Variants in PRDM15 observed in about 807,000 individuals in gnomAD.
PRDM15 encodes PR domain zinc finger protein 15.
Under a neutral mutation model 128.6 loss-of-function variants are expected in PRDM15, and 64 were observed. That is an observed-to-expected ratio of 0.50 (90% confidence interval 0.41 to 0.61). PRDM15 has a LOEUF of 0.61. Among genes scored for constraint, PRDM15 ranks in the 20% least tolerant of loss-of-function variants. The probability of loss-of-function intolerance (pLI) is 0.00; values close to 1 mark genes in which losing one functional copy is unlikely to be tolerated. For synonymous variants in PRDM15, 615 were observed against 621.8 expected, an observed-to-expected ratio of 0.99 and a Z score of 0.16; for missense variants, 1,242 against 1,569.1, an observed-to-expected ratio of 0.79 and a Z score of 3.52.
chr21:41,873,005 G>A (rs1162276614), intron 1 of PRDM15, among the ~76,000 whole-genome samples: 1 of 152,110 alleles, frequency 6.6e-6, no homozygotes, highest in Admixed American at 6.6e-5. Flanking sequence ...ATAACTTCCC[G>A]CACCCTGCGA....
intron 4 of PRDM15, among the ~76,000 whole-genome samples, chr21:41,855,092 C>T (rs777340442): frequency 1.8e-4 from 28 of 152,188 alleles, no homozygotes; most frequent in Non-Finnish European, 3.2e-4. Flanking sequence ...GTGTTACTCA[C>T]GGCCCAGGTG....
chr21:41,861,739 T>C, intron 1 of PRDM15: 1 of 1,614,012 alleles, frequency 6.2e-7, no homozygotes, highest in Non-Finnish European at 8.5e-7. Flanking sequence ...TCACAGTCAC[T>C]GAACTTGTGT....
intron 13 of PRDM15, among the ~76,000 whole-genome samples, chr21:41,824,367 G>A (rs1324037551): frequency 6.6e-6 from 1 of 152,222 alleles, no homozygotes; most frequent in African/African-American, 2.4e-5. Flanking sequence ...AGAGTCTGCA[G>A]ATGTCATGGT....
At chr21:41,822,074 C>A in intron 14 of PRDM15, 37 bp from the exon 15 acceptor site, 1 of 1,611,650 alleles carries the variant, frequency 6.2e-7, no homozygotes, top group Non-Finnish European at 8.5e-7. Context: ...TCTAACAGCG[C>A]AGCAGACGCT....
chr21:41,826,117 G>C, intron 12 of PRDM15, 63 bp from the exon 13 acceptor site: 7 of 1,346,378 alleles, frequency 5.2e-6, no homozygotes, highest in Non-Finnish European at 7.5e-6. Flanking sequence ...AGGTCCATCA[G>C]ATTCCACTTC....
chr21:41,818,178 G>A (rs1371365013), intron 18 of PRDM15, among the ~76,000 whole-genome samples: 1 of 152,228 alleles, frequency 6.6e-6, no homozygotes, highest in Non-Finnish European at 1.5e-5. Flanking sequence ...AAGGGGAGGA[G>A]CAGGTGGTGA....
intron 12 of PRDM15, among the ~76,000 whole-genome samples, chr21:41,827,567 G>T (rs1337878713): frequency 6.6e-6 from 1 of 152,040 alleles, no homozygotes; most frequent in African/African-American, 2.4e-5. Flanking sequence ...GTCCCGAACT[G>T]CTGGCCTCAA....
chr21:41,869,647 T>C (rs376367734), intron 1 of PRDM15, among the ~76,000 whole-genome samples: 1 of 152,154 alleles, frequency 6.6e-6, no homozygotes, highest in African/African-American at 2.4e-5. Context: ...GGTTTCTCCA[T>C]GTTGCCAAAG....
intron 1 of PRDM15, chr21:41,871,621 C>T (rs760636720): frequency 1.2e-6 from 2 of 1,607,590 alleles, no homozygotes; most frequent in Non-Finnish European, 1.7e-6. Context: ...CAATCTGGGA[C>T]CTGTAGGCCA....
chr21:41,809,480 C>T (rs1009957350), intron 21 of PRDM15, among the ~76,000 whole-genome samples: 1 of 152,170 alleles, frequency 6.6e-6, no homozygotes, highest in Non-Finnish European at 1.5e-5. Context: ...ATCCACTCGC[C>T]TCTGCCTCCC....
chr21:41,820,977 A>G, intron 16 of PRDM15, 90 bp downstream of exon 16: 1 of 1,533,312 alleles, frequency 6.5e-7, no homozygotes, highest in Admixed American at 1.7e-5. Context: ...GTTGGAAGCT[A>G]CAAATGGCTC....
At position 41,798,318 on chromosome 21, in the gene PRDM15, T is replaced by C. The variant is rs2061345369; in HGVS notation, c.*2922A>G. The C allele has an allele frequency of 6.6e-6, 1 of 152,166 alleles. No individual in the cohort carries two copies. The allele number at this position is 152,166 out of a possible 1,614,324, so 9.4% of individuals were successfully genotyped here. ...ACATCTCCAAACAGTCTTAATGCCT[T>C]TCACAATCCAATGGGAAAGCCCAAG... On this transcript the variant is annotated 3_prime_UTR_variant, in exon 24 of 24. Coordinates refer to ENST00000398548, the MANE Select transcript of PRDM15 (RefSeq NM_001040424.3).
At chr21:41,835,378 G>A (rs779639835) in intron 11 of PRDM15, 59 bp downstream of exon 11, 43 of 1,368,856 alleles carry the variant, frequency 3.1e-5, no homozygotes, top group Non-Finnish European at 4.0e-5. Context: ...CGGTCTCCGC[G>A]GCGTATCTAG....
intron 11 of PRDM15, chr21:41,834,535 GC>G (rs770043387): frequency 7.1e-6 from 11 of 1,549,578 alleles, no homozygotes; most frequent in Non-Finnish European, 8.7e-6. Flanking sequence ...CTGCCGCCGG[GC>G]CCCCCCTCTC....
At chr21:41,843,123 GTTTGT>G (rs201213075) in intron 6 of PRDM15, among the ~76,000 whole-genome samples, 1,577 of 152,014 alleles carry the variant, frequency 0.01, 35 homozygotes, top group African/African-American at 0.036. Context: ...TTGTTTGTTT[GTTTGT>G]TTTAAGTATA....
rs769675522 is a variant in PRDM15, at chr21:41,821,191, T to A, written c.1936A>T (p.Met646Leu). ...TAGCCCTTCTCCTTGTGCACCTCCATGATGTGCTTCAGGTACTCCTTCCCC... is the reference window on the plus strand; with the variant it reads ...TAGCCCTTCTCCTTGTGCACCTCCAAGATGTGCTTCAGGTACTCCTTCCCC... ...GRGKEYLKHI[M>L]EVHKEKGYGC... The change falls in exon 16 of 24, where the codon ATG becomes TTG. Residue 646 changes from methionine to leucine, a missense_variant. Physicochemically the swap from Met to Leu is conservative, Grantham distance 15. Transcript: ENST00000398548. The surrounding 1 kb of genome is among the most constrained non-coding windows in gnomAD (Gnocchi z 5.4). 6.2e-7 allele frequency: 1 copy of A among 1,614,050 alleles called. No individual in the cohort carries two copies. Among genetic ancestry groups the A allele is most frequent in the African/African-American group, 1.3e-5 (1 of 74,918 alleles).
In PRDM15 at chr21:41,800,267, G is replaced by C. The variant is rs1051892941; in HGVS notation, c.*973C>G. On this transcript the variant is annotated 3_prime_UTR_variant, in exon 24 of 24. Transcript: ENST00000398548. ...CGGGATTCTGGCTGGGCTTCAGCCAGAATGGATACATTTGGATTGCAGAGA... is the reference window on the plus strand; with the variant it reads ...CGGGATTCTGGCTGGGCTTCAGCCACAATGGATACATTTGGATTGCAGAGA... The C allele has an allele frequency of 6.6e-6, 1 of 152,240 alleles. No individual in the cohort carries two copies. Among genetic ancestry groups the C allele is most frequent in the Admixed American group, 6.5e-5 (1 of 15,286 alleles). 9.4% of individuals were successfully genotyped at this position (152,240 alleles called of 1,614,324 possible). A position where few individuals can be genotyped will look rare whatever the true frequency, so the allele number is the denominator to read the frequency against.
At position 41,859,591 on chromosome 21, in the gene PRDM15, C is replaced by T; in HGVS notation, c.131+1G>A. On this transcript the variant is annotated splice_donor_variant, in intron 3 of 23. Transcript: ENST00000398548. LOFTEE classifies it high-confidence loss of function. This position sits in a 1 kb window ranked among gnomAD's most constrained non-coding sequence, Gnocchi z 5.3. The stretch of plus-strand genomic sequence containing the variant: ...CCCGGGAGCTCACGGCGGTCACTCA[C>T]CTTGCCCTGCTTAACACAAAGGAGT... 6.2e-7 allele frequency: 1 copy of T among 1,613,752 alleles called. No homozygotes were observed. Among genetic ancestry groups the T allele is most frequent in the Non-Finnish European group, 8.5e-7 (1 of 1,179,786 alleles).
At chr21:41,851,627 G>A (rs114225735) in intron 5 of PRDM15, among the ~76,000 whole-genome samples, 156 of 152,278 alleles carry the variant, frequency 1.0e-3, no homozygotes, top group African/African-American at 3.3e-3. Context: ...AGGTGTTGAC[G>A]CGGCTGCTGG....
Sources: gnomAD v4.1 joint callset for allele counts (sites outside exome capture counted in the v4.1 genomes callset) on GRCh38, gnomAD v4.1.1 for gene constraint, Gnocchi (gnomAD v3.1) non-coding constraint, MANE v1.5 for transcripts, NCBI Gene and HGNC (gene_info 2026-07-23, HGNC 2026-07-21) for gene names.